Variants in EDARADD observed in about 807,000 individuals in gnomAD.
The protein encoded by EDARADD is EDAR associated via death domain.
Under a neutral mutation model 25.6 loss-of-function variants are expected in EDARADD, and 20 were observed. The observed-to-expected ratio is 0.78, with a 90% confidence interval of 0.55 to 1.14. EDARADD has a LOEUF of 1.14. EDARADD is among the 50% of genes most tolerant of loss of function. The probability of loss-of-function intolerance (pLI) is 0.00; values close to 1 mark genes in which losing one functional copy is unlikely to be tolerated. For synonymous variants in EDARADD, 86 were observed against 94.4 expected (o/e 0.91, Z 0.52); for missense variants, 225 against 270.1 (o/e 0.83, Z 1.17).
upstream of EDARADD, among the ~76,000 whole-genome samples, chr1:236,389,808 C>T (rs1572121814): frequency 1.3e-5 from 2 of 152,088 alleles, no homozygotes; most frequent in South Asian, 2.1e-4. Context: ...TCGAGACCTG[C>T]CTAGGTAATG....
At chr1:236,480,133 A>ATATATATATATCTATCTATC (rs1553271650) in intron 5 of EDARADD, among the ~76,000 whole-genome samples, 1 of 142,090 alleles carries the variant, frequency 7.0e-6, no homozygotes, top group African/African-American at 2.7e-5. Flanking sequence ...ATATATATAT[A>ATATATATATATCTATCTATC]TATCACATTT....
At chr1:236,459,347 C>T (rs1287104218) in intron 4 of EDARADD, among the ~76,000 whole-genome samples, 2 of 152,110 alleles carry the variant, frequency 1.3e-5, no homozygotes, top group Non-Finnish European at 2.9e-5. Flanking sequence ...TACACAAAGG[C>T]AAAACCCCTG....
chr1:236,399,661 G>A (rs1190208940), intron 1 of EDARADD, among the ~76,000 whole-genome samples: 3 of 152,240 alleles, frequency 2.0e-5, no homozygotes, highest in African/African-American at 7.2e-5. Flanking sequence ...TCTGTCAAAT[G>A]TTTGTAAAAT....
At chr1:236,419,676 G>C (rs11589887) in intron 3 of EDARADD, among the ~76,000 whole-genome samples, 320 of 152,286 alleles carry the variant, frequency 2.1e-3, no homozygotes, top group Non-Finnish European at 3.2e-3. Flanking sequence ...AGCTGAGAGC[G>C]AGGCAAGCCT....
intron 3 of EDARADD, among the ~76,000 whole-genome samples, chr1:236,363,254 T>C (rs1049936320): frequency 1.3e-5 from 2 of 151,654 alleles, no homozygotes; most frequent in Admixed American, 1.3e-4. Context: ...TCATCTGATA[T>C]GGTTTGGATC....
chr1:236,390,608 T>C (rs1233448168), upstream of EDARADD, among the ~76,000 whole-genome samples: 1 of 152,038 alleles, frequency 6.6e-6, no homozygotes, highest in Non-Finnish European at 1.5e-5. Context: ...CAATAACGTA[T>C]GGAAAAAAAA....
intron 3 of EDARADD, among the ~76,000 whole-genome samples, chr1:236,351,365 G>A (rs1481956546): frequency 6.6e-6 from 1 of 152,068 alleles, no homozygotes; most frequent in African/African-American, 2.4e-5. Context: ...CCAAATACCA[G>A]TGGGACCTTG....
At chr1:236,442,908 C>G (rs1658438706) in intron 4 of EDARADD, among the ~76,000 whole-genome samples, 1 of 152,148 alleles carries the variant, frequency 6.6e-6, no homozygotes, top group Non-Finnish European at 1.5e-5. Flanking sequence ...ATTTAATCCC[C>G]AAGGTAGTAG....
At chr1:236,408,078 G>A (rs143207880) in intron 1 of EDARADD, among the ~76,000 whole-genome samples, 1 of 152,236 alleles carries the variant, frequency 6.6e-6, no homozygotes, top group Admixed American at 6.5e-5. Context: ...AGGCAAGAGA[G>A]TCATTAATGT....
At chr1:236,351,255 A>G (rs1181437273) in intron 3 of EDARADD, among the ~76,000 whole-genome samples, 2 of 152,106 alleles carry the variant, frequency 1.3e-5, no homozygotes, top group Admixed American at 6.5e-5. Flanking sequence ...CAAATAAACT[A>G]TTTACATTAA....
chr1:236,466,868 A>C (rs1165582909), intron 4 of EDARADD, among the ~76,000 whole-genome samples: 2 of 152,152 alleles, frequency 1.3e-5, no homozygotes, highest in Non-Finnish European at 2.9e-5. Context: ...GGAGTTCGAG[A>C]CCATCCCGGC....
intron 3 of EDARADD, among the ~76,000 whole-genome samples, chr1:236,370,624 G>A (rs1347304512): frequency 1.3e-5 from 2 of 152,130 alleles, no homozygotes; most frequent in African/African-American, 4.8e-5. Context: ...AGGACTCAAA[G>A]CTGTCTTCTT....
intron 3 of EDARADD, among the ~76,000 whole-genome samples, chr1:236,375,712 C>A (rs1667217252): frequency 6.7e-6 from 1 of 148,558 alleles, no homozygotes; most frequent in African/African-American, 2.5e-5. Flanking sequence ...CATTGCAAGA[C>A]CCTGTTTCTA....
intron 4 of EDARADD, among the ~76,000 whole-genome samples, chr1:236,451,278 A>G (rs1469412663): frequency 6.6e-6 from 1 of 152,160 alleles, no homozygotes; most frequent in Non-Finnish European, 1.5e-5. Flanking sequence ...CCTCTCAGTC[A>G]GCTTTCTCCT....
intron 1 of EDARADD, among the ~76,000 whole-genome samples, chr1:236,405,777 CTTTCTTTCTTTCTTTTCTT>C (rs1327885056): frequency 2.8e-4 from 19 of 68,196 alleles, no homozygotes; most frequent in South Asian, 1.2e-3. Flanking sequence ...TTCTTTCTTT[CTTTCTTTCTTTCTTTTCTT>C]TTTCTTTCTT....
chr1:236,406,354 A>C (rs755252713), intron 1 of EDARADD, among the ~76,000 whole-genome samples: 1 of 152,224 alleles, frequency 6.6e-6, no homozygotes, highest in East Asian at 1.9e-4. Context: ...AAGCATCGTC[A>C]TATGTCACTT....
chr1:236,433,195 A>G (rs964500611), intron 4 of EDARADD, among the ~76,000 whole-genome samples: 2 of 151,868 alleles, frequency 1.3e-5, no homozygotes, highest in Admixed American at 1.3e-4. Context: ...CCATTCCACC[A>G]CTCGAATACA....
At chr1:236,434,708 G>A (rs147040122) in intron 4 of EDARADD, among the ~76,000 whole-genome samples, 115 of 152,266 alleles carry the variant, frequency 7.6e-4, no homozygotes, top group African/African-American at 2.6e-3. Context: ...AGTGAACTTG[G>A]CCTGAGAGAG....
At chr1:236,409,728 A>ATTTT (rs535740043) in intron 2 of EDARADD, among the ~76,000 whole-genome samples, 1 of 141,358 alleles carries the variant, frequency 7.1e-6, no homozygotes, top group African/African-American at 2.6e-5. Context: ...TGCCTGGCTA[A>ATTTT]TTTTTTTTTT....
Sources: allele counts gnomAD v4.1 joint callset (sites outside exome capture counted in the v4.1 genomes callset), GRCh38; gene constraint gnomAD v4.1.1; transcripts MANE v1.5; gene names NCBI Gene and HGNC (gene_info 2026-07-23, HGNC 2026-07-21).